The following KIAA1671 variants were observed in gnomAD, a reference collection of about 807,000 sequenced individuals.
The protein encoded by KIAA1671 is KIAA1671.
In KIAA1671, 52 loss-of-function variants were observed where a neutral mutation model predicts 131.2. The ratio of observed to expected loss-of-function variants is 0.40; its 90% CI spans 0.32 to 0.50. The LOEUF is 0.50. Among genes scored for constraint, KIAA1671 ranks in the 20% least tolerant of loss-of-function variants. The probability of loss-of-function intolerance (pLI) is 0.73; values close to 1 mark genes in which losing one functional copy is unlikely to be tolerated. For missense variants in KIAA1671, 2,360 were observed against 2,364.2 expected (o/e 1.00, Z 0.04); for synonymous variants, 1,003 against 961.6 (o/e 1.04, Z -0.80).
At chr22:25,076,156 A>G (rs1358755594) in intron 6 of KIAA1671, among the ~76,000 whole-genome samples, 2 of 152,136 alleles carry the variant, frequency 1.3e-5, no homozygotes, top group African/African-American at 4.8e-5. Context: ...TAACCATGAT[A>G]TTTAATAGCT....
chr22:25,191,258 C>T (rs1307746778), intron 12 of KIAA1671, among the ~76,000 whole-genome samples: 17 of 149,898 alleles, frequency 1.1e-4, no homozygotes, highest in Admixed American at 1.1e-3. Context: ...CGGGTTCAAA[C>T]GATTCTCCTG....
chr22:25,177,252 T>A (rs761391625), intron 8 of KIAA1671, 96 bp from the exon 9 acceptor site: 296 of 1,182,202 alleles, frequency 2.5e-4, no homozygotes, highest in Non-Finnish European at 3.2e-4. Flanking sequence ...TAGCCTCTCA[T>A]CTGTCAACGA....
At chr22:25,141,388 A>G (rs2145961133) in intron 6 of KIAA1671, among the ~76,000 whole-genome samples, 1 of 139,978 alleles carries the variant, frequency 7.1e-6, no homozygotes, top group Non-Finnish European at 1.6e-5. Flanking sequence ...GCCTGCCACC[A>G]CACCTGGCTA....
intron 5 of KIAA1671, among the ~76,000 whole-genome samples, chr22:25,041,900 A>C (rs1210966114): frequency 1.3e-5 from 2 of 152,132 alleles, no homozygotes; most frequent in Admixed American, 6.5e-5. Flanking sequence ...ATGCGCCACC[A>C]TGCTTGGCTA....
chr22:25,082,687 G>C (rs1410937231), intron 6 of KIAA1671, among the ~76,000 whole-genome samples: 1 of 152,076 alleles, frequency 6.6e-6, no homozygotes, highest in Non-Finnish European at 1.5e-5. Flanking sequence ...TTAAAAATTA[G>C]CTGGGCGTGG....
chr22:25,160,774 G>A (rs556196307), intron 6 of KIAA1671, among the ~76,000 whole-genome samples: 9 of 152,312 alleles, frequency 5.9e-5, no homozygotes, highest in Non-Finnish European at 1.3e-4. Flanking sequence ...CCACTGAGGG[G>A]GAGTCAGTGG....
In KIAA1671 at chr22:25,046,973, T is replaced by G. The variant is rs1163688020; in HGVS notation, c.4396-2257T>G. Among the ~76,000 whole-genome samples the G allele has an allele frequency of 2.5e-4, 5 of 20,082 alleles. No homozygotes were observed. The African/African-American group carries it at 5.8e-3, about 23-fold the overall frequency. 13.2% of individuals were successfully genotyped at this position (20,082 alleles called of 152,430 possible). A position where few individuals can be genotyped will look rare whatever the true frequency, so the allele number is the denominator to read the frequency against. ...TTTTCATATAATGTGTCTTGAGAGTTTTTTTTTTTTTTTTTGAGCCAGCGT... is the reference window on the plus strand; with the variant it reads ...TTTTCATATAATGTGTCTTGAGAGTGTTTTTTTTTTTTTTTGAGCCAGCGT... On this transcript the variant is annotated intron_variant, in intron 5 of 12. Transcript: ENST00000358431.
chr22:25,009,660 CA>C (rs1200385030), intron 1 of KIAA1671: 2 of 151,712 alleles, frequency 1.3e-5, no homozygotes, highest in Admixed American at 1.3e-4. Context: ...TGGCTTACTG[CA>C]ACCTCTGCCT....
At chr22:25,150,459 G>A (rs1483423258) in intron 6 of KIAA1671, among the ~76,000 whole-genome samples, 1 of 152,178 alleles carries the variant, frequency 6.6e-6, no homozygotes, top group African/African-American at 2.4e-5. Context: ...GCTAAGCCAT[G>A]GCAGTGGGTG....
rs1934725259 is a variant in KIAA1671, at chr22:25,193,253, A to G, written c.*852A>G. 6.6e-6 allele frequency: 1 copy of G among 152,086 alleles called. No homozygotes were observed. The highest frequency in any genetic ancestry group is 2.4e-5 in the African/African-American group (1 of 41,398). 9.4% of individuals were successfully genotyped at this position (152,086 alleles called of 1,614,324 possible). A position where few individuals can be genotyped will look rare whatever the true frequency, so the allele number is the denominator to read the frequency against. ...AGTTATAATTGTCACTCTTGTATTT[A>G]TTTCCATGGCTTCTTTTCATTTGAG... On this transcript the variant is annotated 3_prime_UTR_variant, in exon 13 of 13. Transcript: ENST00000358431.
intron 1 of KIAA1671, among the ~76,000 whole-genome samples, chr22:24,989,307 C>A (rs770190292): frequency 2.0e-5 from 3 of 152,174 alleles, no homozygotes; most frequent in African/African-American, 7.2e-5. Flanking sequence ...AGTTTATTCC[C>A]CACTGGGTGC....
At chr22:25,178,690 G>T (rs1180803612) in intron 9 of KIAA1671, among the ~76,000 whole-genome samples, 2 of 152,150 alleles carry the variant, frequency 1.3e-5, no homozygotes, top group Non-Finnish European at 2.9e-5. Flanking sequence ...CCCAACTGCA[G>T]GCTTCCAGGA....
intron 6 of KIAA1671, among the ~76,000 whole-genome samples, chr22:25,124,153 G>T (rs997192314): frequency 1.3e-5 from 2 of 152,200 alleles, no homozygotes; most frequent in Admixed American, 1.3e-4. Flanking sequence ...GAATCTCCCA[G>T]CATGGGATGG....
intron 6 of KIAA1671, among the ~76,000 whole-genome samples, chr22:25,115,692 G>A (rs936651080): frequency 1.3e-5 from 2 of 152,192 alleles, no homozygotes; most frequent in African/African-American, 4.8e-5. Context: ...TATTTACTGT[G>A]TGCAGGGCTC....
rs1934769591 is a variant in KIAA1671, at chr22:25,194,717, A to G, written c.*2316A>G. 1 of 152,190 alleles carries G rather than the reference A, an allele frequency of 6.6e-6. No individual in the cohort carries two copies. The highest frequency in any genetic ancestry group is 2.4e-5 in the African/African-American group (1 of 41,442). The allele number at this position is 152,190 out of a possible 1,614,324, so 9.4% of individuals were successfully genotyped here. A position where few individuals can be genotyped will look rare whatever the true frequency, so the allele number is the denominator to read the frequency against. On this transcript the variant is annotated 3_prime_UTR_variant, in exon 13 of 13. Transcript: ENST00000358431. ...AAAGTGACTAGGGCAAGCCCTGAAG[A>G]TCTTCCTCACCTCCTTTTATTTTTC...
intron 6 of KIAA1671, among the ~76,000 whole-genome samples, chr22:25,088,893 C>CAT (rs398121756): frequency 6.6e-6 from 1 of 151,814 alleles, no homozygotes; most frequent in African/African-American, 2.4e-5. Context: ...CACACACACA[C>CAT]GTGCACGCAC....
chr22:25,093,796 C>CTCTCTCTT (rs1930221051), intron 6 of KIAA1671, among the ~76,000 whole-genome samples: 1 of 141,594 alleles, frequency 7.1e-6, no homozygotes, highest in Non-Finnish European at 1.6e-5. Flanking sequence ...CTCTCTCTCT[C>CTCTCTCTT]TCTCTCTCTC....
At chr22:24,970,469 A>G (rs577946332) in intron 1 of KIAA1671, among the ~76,000 whole-genome samples, 1 of 152,302 alleles carries the variant, frequency 6.6e-6, no homozygotes, top group South Asian at 2.1e-4. Context: ...CCAATACATT[A>G]TACAACCTGG....
intron 7 of KIAA1671, among the ~76,000 whole-genome samples, chr22:25,172,594 C>T (rs577571098): frequency 2.0e-5 from 3 of 152,214 alleles, no homozygotes; most frequent in Non-Finnish European, 4.4e-5. Context: ...GTGTGCCCAC[C>T]TGTCCTTTCT....
Sources: allele counts gnomAD v4.1 joint callset (sites outside exome capture counted in the v4.1 genomes callset), GRCh38; gene constraint gnomAD v4.1.1; transcripts MANE v1.5; gene names NCBI Gene and HGNC (gene_info 2026-07-23, HGNC 2026-07-21).